The following SMYD2 variants were observed in gnomAD, a reference collection of about 807,000 sequenced individuals.
SMYD2 encodes the protein N-lysine methyltransferase SMYD2.
A neutral mutation model predicts 59.1 loss-of-function variants in SMYD2; 53 were observed. The observed-to-expected ratio is 0.90, with a 90% CI of 0.72 to 1.13. SMYD2 has a LOEUF of 1.13. Ranked by LOEUF, SMYD2 falls within the 50% of genes most tolerant of loss-of-function variation. The probability of loss-of-function intolerance (pLI) is 0.00; values close to 1 mark genes in which losing one functional copy is unlikely to be tolerated. For missense variants in SMYD2, 494 were observed against 544.7 expected (o/e 0.91, Z 0.93); for synonymous variants, 208 against 198.8 (o/e 1.05, Z -0.39).
rs771903679 is a variant in SMYD2 at position 214,327,689 on chromosome 1, G to T, written c.670G>T (p.Val224Phe). Residue 224 changes from valine (V) to phenylalanine (F), a missense_variant, in exon 7 of 12, where the codon GTC becomes TTC. Transcript: ENST00000366957. The part of the protein sequence containing the change: ...IVTYKGTLAE[V>F]RAVQEIKPGE... ...GACCTACAAAGGGACCCTGGCAGAAGTCAGAGCTGTACAGGAAATCAAGCC... is the reference window on the plus strand; with the variant it reads ...GACCTACAAAGGGACCCTGGCAGAATTCAGAGCTGTACAGGAAATCAAGCC... 2.7e-5 allele frequency: 44 copies of T among 1,614,072 alleles called. No individual in the cohort carries two copies. Among genetic ancestry groups the T allele is most frequent in the Non-Finnish European group, 3.4e-5 (40 of 1,180,034 alleles).
rs1657327211 is a variant in SMYD2 at position 214,330,149 on chromosome 1, A to G, written c.706-19A>G. On this transcript the variant is annotated intron_variant, in intron 7 of 11. Transcript: ENST00000366957. ...TTTACCTGTAGCAGACTGAAGCTTTATCTTTTTGGACCCCGTAGGTTTTTA... is the reference window on the plus strand; with the variant it reads ...TTTACCTGTAGCAGACTGAAGCTTTGTCTTTTTGGACCCCGTAGGTTTTTA... The G allele has an allele frequency of 1.9e-6, 3 of 1,542,464 alleles. No individual in the cohort carries two copies. The highest frequency in any genetic ancestry group is 2.7e-6 in the Non-Finnish European group (3 of 1,122,182).
At chr1:214,293,939 G>C (rs1270929711) in intron 1 of SMYD2, among the ~76,000 whole-genome samples, 1 of 150,230 alleles carries the variant, frequency 6.7e-6, no homozygotes, top group Non-Finnish European at 1.5e-5. Context: ...GCCTCCCAAA[G>C]TGCTGGGATT....
chr1:214,314,104 G>T (rs985052789), intron 2 of SMYD2, among the ~76,000 whole-genome samples: 23 of 152,198 alleles, frequency 1.5e-4, no homozygotes, highest in Non-Finnish European at 2.5e-4. Context: ...TTGAACCCGG[G>T]AGGCAGAGGT....
At chr1:214,288,560 A>T (rs570599845) in intron 1 of SMYD2, among the ~76,000 whole-genome samples, 1 of 152,284 alleles carries the variant, frequency 6.6e-6, no homozygotes, top group East Asian at 1.9e-4. Flanking sequence ...TCCGTCTCTG[A>T]TATCTCCTTG....
At chr1:214,305,111 T>C in intron 1 of SMYD2, 76 bp from the exon 2 acceptor site, 4 of 1,408,122 alleles carry the variant, frequency 2.8e-6, no homozygotes. Context: ...CAAGTGGCTT[T>C]TGTTGTTGCA....
chr1:214,304,340 C>T lies in SMYD2; in HGVS notation c.174-847C>T, dbSNP rs558060278. On this transcript the variant is annotated intron_variant, in intron 1 of 11. Coordinates refer to ENST00000366957, the MANE Select transcript of SMYD2 (RefSeq NM_020197.3). ...TTGGGAGGCTGAGGCAGGTGGATGG[C>T]TTGAGCCCAGGAGTTGGGGATCAGC... 2.6e-5 allele frequency among the ~76,000 whole-genome samples: 4 copies of T among 152,064 alleles called. No homozygotes were observed. The East Asian group carries it at 7.8e-4, about 30-fold the overall frequency.
At chr1:214,282,307 A>G (rs1469262437) in intron 1 of SMYD2, among the ~76,000 whole-genome samples, 1 of 152,216 alleles carries the variant, frequency 6.6e-6, no homozygotes, top group Non-Finnish European at 1.5e-5. Flanking sequence ...GAGAAAGTGG[A>G]GTTACCTTTA....
rs77738444 is a variant in SMYD2, at chr1:214,312,733, G to A, written c.238-2029G>A. On this transcript the variant is annotated intron_variant, in intron 2 of 11. Coordinates refer to ENST00000366957, the MANE Select transcript of SMYD2 (RefSeq NM_020197.3). This position sits in a 1 kb window ranked among gnomAD's most constrained non-coding sequence, Gnocchi z 4.1. ...GTGAGGCAGGTGAGAGTACGGTGGGGGATGATGGGCTGGGGTGGTGCAGGG... is the reference window on the plus strand; with the variant it reads ...GTGAGGCAGGTGAGAGTACGGTGGGAGATGATGGGCTGGGGTGGTGCAGGG... Among the ~76,000 whole-genome samples the A allele has an allele frequency of 0.011, 1,727 of 152,300 alleles. 40 individuals are homozygous for A. Among genetic ancestry groups the A allele is most frequent in the African/African-American group, 0.039 (1,625 of 41,562 alleles).
In SMYD2 at chr1:214,281,293, CAGCCCGGGCAA is replaced by C; in HGVS notation, c.42_52del (p.Ser14ArgfsTer118). ...GCCTCGGCGGCCTGGAGCGCTTCTG[CAGCCCGGGCAA>C]AGGCCGGGGGCTGCGGGCTCTGCAG... is the stretch of plus-strand genomic sequence containing the variant. On this transcript the variant is annotated frameshift_variant, in exon 1 of 12. Coordinates refer to ENST00000366957, the MANE Select transcript of SMYD2 (RefSeq NM_020197.3). LOFTEE classifies it high-confidence loss of function. The C allele has an allele frequency of 7.4e-7, 1 of 1,348,420 alleles. No homozygotes were observed. Among genetic ancestry groups the C allele is most frequent in the Non-Finnish European group, 9.6e-7 (1 of 1,041,550 alleles). 83.5% of individuals were successfully genotyped at this position (1,348,420 alleles called of 1,614,324 possible).
chr1:214,293,427 A>T lies in SMYD2; in HGVS notation c.174-11760A>T, dbSNP rs146384427. Among the ~76,000 whole-genome samples, 386 of 152,308 alleles carry T rather than the reference A, an allele frequency of 2.5e-3. 1 individual carries two copies. The highest frequency in any genetic ancestry group is 8.6e-3 in the African/African-American group (358 of 41,570). On this transcript the variant is annotated intron_variant, in intron 1 of 11. Coordinates refer to ENST00000366957, the MANE Select transcript of SMYD2 (RefSeq NM_020197.3). Reference sequence around the variant, plus strand: ...ATCGACTTGTTTGTATTTATTTTACAATAATTTAATATTTACATTTTTTGA... The same window carrying T: ...ATCGACTTGTTTGTATTTATTTTACTATAATTTAATATTTACATTTTTTGA...
At position 214,318,247 on chromosome 1, in the gene SMYD2, T is replaced by TCAAAGAAATCAC; in HGVS notation, c.409+108_409+109insCAAAGAAATCAC. 1.0e-6 allele frequency: 1 copy of TCAAAGAAATCAC among 983,822 alleles called. No individual in the cohort carries two copies. The highest frequency in any genetic ancestry group is 1.5e-6 in the Non-Finnish European group (1 of 658,436). 60.9% of individuals were successfully genotyped at this position (983,822 alleles called of 1,614,324 possible). A position where few individuals can be genotyped will look rare whatever the true frequency, so the allele number is the denominator to read the frequency against. On this transcript the variant is annotated intron_variant, in intron 4 of 11. Coordinates refer to ENST00000366957, the MANE Select transcript of SMYD2 (RefSeq NM_020197.3). The surrounding 1 kb of genome is among the most constrained non-coding windows in gnomAD (Gnocchi z 5.4). ...TAGTTTGTGCTCAGAGGAGTAGTGATTTCTTTGATTACTAGTTTTTATTTT... is the reference window on the plus strand; with the variant it reads ...TAGTTTGTGCTCAGAGGAGTAGTGATCAAAGAAATCACTTCTTTGATTACTAGTTTTTATTTT...
chr1:214,304,478 A>G (rs1445526326), intron 1 of SMYD2, among the ~76,000 whole-genome samples: 1 of 142,002 alleles, frequency 7.0e-6, no homozygotes, highest in East Asian at 2.3e-4. Flanking sequence ...AGAACGGCCT[A>G]CGCCCGGGAA....
chr1:214,292,632 C>T (rs917619764), intron 1 of SMYD2, among the ~76,000 whole-genome samples: 5 of 152,092 alleles, frequency 3.3e-5, no homozygotes, highest in African/African-American at 9.7e-5. Flanking sequence ...TTGCATAGGC[C>T]TCATCACCTC....
intron 1 of SMYD2, among the ~76,000 whole-genome samples, chr1:214,289,045 G>A (rs1313482636): frequency 6.6e-6 from 1 of 151,798 alleles, no homozygotes; most frequent in African/African-American, 2.4e-5. Context: ...GCTATAGGAG[G>A]CAGCCCCTGG....
chr1:214,327,613 G>C lies in SMYD2; in HGVS notation c.603-9G>C. ...TTTTAAAAACTGGGTTTTCTCTTCTGACTGACAGTGTTGCATTGATGAATC... is the reference window on the plus strand; with the variant it reads ...TTTTAAAAACTGGGTTTTCTCTTCTCACTGACAGTGTTGCATTGATGAATC... On this transcript the variant is annotated splice_polypyrimidine_tract_variant and intron_variant, in intron 6 of 11. Transcript: ENST00000366957. 1 of 1,612,830 alleles carries C rather than the reference G, an allele frequency of 6.2e-7. No individual in the cohort carries two copies. Among genetic ancestry groups the C allele is most frequent in the Non-Finnish European group, 8.5e-7 (1 of 1,178,864 alleles).
Position 214,305,207 on chromosome 1 carries a change from G to A in SMYD2, c.194G>A (p.Cys65Tyr). 6.2e-7 allele frequency: 1 copy of A among 1,614,254 alleles called. No individual in the cohort carries two copies. The highest frequency in any genetic ancestry group is 8.5e-7 in the Non-Finnish European group (1 of 1,180,046). ...TTAAGGAAAGAAGGATTGTCCAAAT[G>A]TGGAAGATGCAAGCAGGCATTTTAC... is the stretch of plus-strand genomic sequence containing the variant. ...CFTRKEGLSK[C>Y]GRCKQAFYCN... Residue 65 changes from cysteine (C) to tyrosine (Y), a missense_variant, in exon 2 of 12, where the codon TGT (cysteine) becomes TAT (tyrosine). Cys to Tyr is a radical substitution (Grantham distance 194). Coordinates refer to ENST00000366957, the MANE Select transcript of SMYD2 (RefSeq NM_020197.3).
At chr1:214,301,420 T>G (rs1656821455) in intron 1 of SMYD2, among the ~76,000 whole-genome samples, 1 of 152,192 alleles carries the variant, frequency 6.6e-6, no homozygotes, top group Non-Finnish European at 1.5e-5. Flanking sequence ...GAATGACTTT[T>G]TTGCTTTTAA....
At position 214,326,645 on chromosome 1, in the gene SMYD2, G is replaced by T. The variant is rs542476525; in HGVS notation, c.603-977G>T. ...CTTAGGCCTTTAGCAGCCAGGAGGT[G>T]GGGGAGTGCACTTGGCCATAGGCCA... On this transcript the variant is annotated intron_variant, in intron 6 of 11. Transcript: ENST00000366957. 1.9e-4 allele frequency among the ~76,000 whole-genome samples: 29 copies of T among 152,266 alleles called. 1 individual carries two copies. In the East Asian group the frequency reaches 5.2e-3, roughly 27 times the overall value.
rs56410935 is a variant in SMYD2 at position 214,292,089 on chromosome 1, TGAGAGA to T, written c.173+10689_173+10694del. The stretch of plus-strand genomic sequence containing the variant: ...CTCAGCTACTAAATATTTTCTAGGG[TGAGAGA>T]GAGAGAGAGAGAGAGAGAGAGAGAG... On this transcript the variant is annotated intron_variant, in intron 1 of 11. Coordinates refer to ENST00000366957, the MANE Select transcript of SMYD2 (RefSeq NM_020197.3). 2.6e-3 allele frequency among the ~76,000 whole-genome samples: 372 copies of T among 145,768 alleles called. 4 individuals carry two copies. The highest frequency in any genetic ancestry group is 0.025 in the East Asian group (121 of 4,886).
Sources: allele counts gnomAD v4.1 joint callset (sites outside exome capture counted in the v4.1 genomes callset), GRCh38; gene constraint gnomAD v4.1.1; non-coding constraint Gnocchi (gnomAD v3.1); transcripts MANE v1.5; gene names NCBI Gene and HGNC (gene_info 2026-07-23, HGNC 2026-07-21).